The following AFDN variants were observed in gnomAD, a reference collection of about 807,000 sequenced individuals.
AFDN encodes the protein afadin, adherens junction formation factor.
AFDN carries 68 observed loss-of-function variants against 216.6 expected under a neutral mutation model. The observed-to-expected ratio is 0.31, with a 90% CI of 0.26 to 0.38. The LOEUF (loss-of-function observed/expected upper bound fraction) is 0.38, where lower values mean the gene tolerates loss of function less well. Among genes scored for constraint, AFDN ranks in the 10% least tolerant of loss-of-function variants. The pLI is 1.00. For synonymous variants in AFDN, 868 were observed against 853.7 expected (o/e 1.02, Z -0.29); for missense variants, 2,136 against 2,342.0 (o/e 0.91, Z 1.82).
rs993541256 is a variant in AFDN at position 167,965,821 on chromosome 6, C to T, written c.5033C>T (p.Ala1678Val). Residue 1678 changes from alanine to valine, a missense_variant, in exon 32 of 34, where the codon GCG becomes GTG. Ala to Val is a moderately conservative substitution (Grantham distance 64). Transcript: ENST00000683244. ...EAERRRQHDEAARRLLEPEAP... is the reference protein window; with the variant it reads ...EAERRRQHDEVARRLLEPEAP... Reference sequence around the variant, plus strand: ...GAGAGGCGCAGACAGCACGACGAGGCGGCGCGCAGGTTGCTGGAGCCCGAG... The same window carrying T: ...GAGAGGCGCAGACAGCACGACGAGGTGGCGCGCAGGTTGCTGGAGCCCGAG... 1.1e-5 allele frequency: 17 copies of T among 1,560,218 alleles called. No individual in the cohort carries two copies. The highest frequency in any genetic ancestry group is 2.4e-5 in the East Asian group (1 of 42,014).
rs1270126501 is a variant in AFDN, at chr6:167,966,141, T to C, written c.5257+96T>C. 8 of 1,535,048 alleles carry C rather than the reference T, an allele frequency of 5.2e-6. No individual in the cohort carries two copies. In the Admixed American group the frequency reaches 7.9e-5, roughly 15 times the overall value. On this transcript the variant is annotated intron_variant, in intron 32 of 33. Transcript: ENST00000683244. ...ACCCCCCTGCCAGCCACGCCCGGCC[T>C]CCGATGGCGTCTTTCTCTCCAACTC...
intron 2 of AFDN, among the ~76,000 whole-genome samples, chr6:167,866,717 T>G (rs989700829): frequency 6.6e-6 from 1 of 152,222 alleles, no homozygotes; most frequent in African/African-American, 2.4e-5. Flanking sequence ...TATTACAGCG[T>G]TACGGAAAAC....
intron 11 of AFDN, among the ~76,000 whole-genome samples, chr6:167,900,657 T>C (rs1258290635): frequency 6.6e-6 from 1 of 152,212 alleles, no homozygotes; most frequent in Non-Finnish European, 1.5e-5. Flanking sequence ...AGGATGATAA[T>C]TGTAAGTGGA....
chr6:167,894,049 C>CA, intron 9 of AFDN, 143 bp downstream of exon 9: 1 of 649,950 alleles, frequency 1.5e-6, no homozygotes, highest in Middle Eastern at 4.3e-4. Flanking sequence ...AATGTACTGT[C>CA]ATTTTATTTG....
chr6:167,944,532 A>G (rs1795049759), intron 26 of AFDN, among the ~76,000 whole-genome samples: 1 of 152,204 alleles, frequency 6.6e-6, no homozygotes. Context: ...TTAGTCCTGC[A>G]TTTGCTGAGA....
chr6:167,855,304 A>G (rs1782773975), intron 1 of AFDN, among the ~76,000 whole-genome samples: 1 of 152,142 alleles, frequency 6.6e-6, no homozygotes, highest in Non-Finnish European at 1.5e-5. Context: ...TACTTGTTGA[A>G]ATGAGCCAAG....
chr6:167,873,282 T>C (rs1208165573), intron 4 of AFDN, among the ~76,000 whole-genome samples: 1 of 152,234 alleles, frequency 6.6e-6, no homozygotes, highest in Non-Finnish European at 1.5e-5. Flanking sequence ...CTATTTCATA[T>C]ACTTGTCTGG....
chr6:167,924,985 C>T lies in AFDN; in HGVS notation c.3013-20C>T. ...ACTTCCATTTCAGTCATAAAATAAACCTTTGTTTTCATCCTTTAGGCTCAG... is the reference window on the plus strand; with the variant it reads ...ACTTCCATTTCAGTCATAAAATAAATCTTTGTTTTCATCCTTTAGGCTCAG... On this transcript the variant is annotated intron_variant, in intron 22 of 33. Transcript: ENST00000683244. 3 of 1,565,898 alleles carry T rather than the reference C, an allele frequency of 1.9e-6. No individual in the cohort carries two copies. Among genetic ancestry groups the T allele is most frequent in the Non-Finnish European group, 2.6e-6 (3 of 1,136,306 alleles).
chr6:167,917,058 G>C (rs1159622051), intron 19 of AFDN, 31 bp from the exon 20 acceptor site: 1 of 1,593,518 alleles, frequency 6.3e-7, no homozygotes, highest in East Asian at 2.3e-5. Context: ...TTACAAGTGT[G>C]ATATTTTATG....
intron 6 of AFDN, among the ~76,000 whole-genome samples, chr6:167,887,619 C>T (rs545731817): frequency 6.2e-4 from 95 of 152,014 alleles, no homozygotes; most frequent in Non-Finnish European, 1.2e-3. Flanking sequence ...CCATGTCCGG[C>T]TAATTTTTTG....
intron 1 of AFDN, 22 bp downstream of exon 1, chr6:167,827,259 G>C: frequency 9.5e-7 from 1 of 1,048,920 alleles, no homozygotes; most frequent in Non-Finnish European, 1.2e-6. Context: ...CGGGCGCGGG[G>C]CCTGCGCGAC....
At chr6:167,890,609 G>C (rs1787442759) in intron 7 of AFDN, among the ~76,000 whole-genome samples, 1 of 151,414 alleles carries the variant, frequency 6.6e-6, no homozygotes, top group Non-Finnish European at 1.5e-5. Context: ...AGCTTATGAT[G>C]TCTTTCGGTA....
At chr6:167,904,752 T>C (rs1440168800) in intron 12 of AFDN, among the ~76,000 whole-genome samples, 1 of 152,178 alleles carries the variant, frequency 6.6e-6, no homozygotes, top group Non-Finnish European at 1.5e-5. Flanking sequence ...CCTCTGCCTC[T>C]CTGGCTTAGG....
chr6:167,848,098 C>G (rs1781900651), intron 1 of AFDN, among the ~76,000 whole-genome samples: 1 of 152,144 alleles, frequency 6.6e-6, no homozygotes, highest in Admixed American at 6.6e-5. Context: ...CTATGTGAAA[C>G]TGTGGGGGTA....
intron 1 of AFDN, among the ~76,000 whole-genome samples, chr6:167,858,597 C>T (rs1783170134): frequency 6.6e-6 from 1 of 152,218 alleles, no homozygotes; most frequent in Non-Finnish European, 1.5e-5. Context: ...GGTTGGTTCA[C>T]ATTACACAGT....
chr6:167,903,836 G>A (rs1435963740), intron 12 of AFDN, among the ~76,000 whole-genome samples: 2 of 152,302 alleles, frequency 1.3e-5, no homozygotes, highest in East Asian at 1.9e-4. Context: ...GTCTGTCAGG[G>A]GGACTGATGA....
Position 167,962,490 on chromosome 6 carries a change from G to T in AFDN, c.4891G>T (p.Ala1631Ser). 6.2e-7 allele frequency: 1 copy of T among 1,613,808 alleles called. No individual in the cohort carries two copies. The highest frequency in any genetic ancestry group is 8.5e-7 in the Non-Finnish European group (1 of 1,179,734). The change falls in exon 31 of 34, where the codon GCG becomes TCG. Residue 1631 changes from alanine to serine, a missense_variant. By Grantham distance (99) the Ala-to-Ser change is moderately conservative. Around this residue, in one of 8 missense-constraint regions of AFDN, gnomAD observed 981 missense variants for 966.0 expected, o/e 1.02. Transcript: ENST00000683244. The surrounding 1 kb of genome is among the most constrained non-coding windows in gnomAD (Gnocchi z 5.2). ...QQLEEMRKRE[A>S]EDRARQEEER... The stretch of plus-strand genomic sequence containing the variant: ...GTTAGAAGAGATGCGCAAGCGGGAA[G>T]CGGAAGACCGAGCGAGGCAAGAGGA...
At chr6:167,945,376 G>T (rs1017433460) in intron 26 of AFDN, among the ~76,000 whole-genome samples, 1 of 152,178 alleles carries the variant, frequency 6.6e-6, no homozygotes, top group Admixed American at 6.5e-5. Context: ...CTTCCTGACA[G>T]ACCTGCCTGG....
At chr6:167,910,190 T>A (rs1192813866) in intron 13 of AFDN, among the ~76,000 whole-genome samples, 1 of 152,222 alleles carries the variant, frequency 6.6e-6, no homozygotes, top group Non-Finnish European at 1.5e-5. Flanking sequence ...CAAAATGCTT[T>A]TGAACTGTGG....
Sources: gnomAD v4.1 joint callset for allele counts (sites outside exome capture counted in the v4.1 genomes callset) on GRCh38, gnomAD v4.1.1 for gene constraint, gnomAD v4.1.1 regional missense constraint, Gnocchi (gnomAD v3.1) non-coding constraint, MANE v1.5 for transcripts, NCBI Gene and HGNC (gene_info 2026-07-23, HGNC 2026-07-21) for gene names.